XPO5: variants seen among roughly 807,000 people sequenced by gnomAD.
The protein encoded by XPO5 is exportin 5.
XPO5 carries 46 observed loss-of-function variants against 160.6 expected under a neutral mutation model. The observed-to-expected ratio is 0.29, with a 90% CI of 0.23 to 0.37. The LOEUF is 0.37. Ranked by LOEUF, XPO5 falls within the 10% of genes least tolerant of loss-of-function variation. The probability of loss-of-function intolerance (pLI) is 1.00; values close to 1 mark genes in which losing one functional copy is unlikely to be tolerated. For missense variants in XPO5, 1,090 were observed against 1,463.9 expected (o/e 0.74, Z 4.17); for synonymous variants, 537 against 519.3 (o/e 1.03, Z -0.46).
intron 8 of XPO5, among the ~76,000 whole-genome samples, chr6:43,563,246 C>T (rs1762502835): frequency 6.6e-6 from 1 of 152,146 alleles, no homozygotes; most frequent in Non-Finnish European, 1.5e-5. Flanking sequence ...TCACTGCAGC[C>T]TCCCAAGTAG....
At chr6:43,524,035 G>T (rs1245488841) in intron 31 of XPO5, 30 bp from the exon 32 acceptor site, 1 of 1,604,992 alleles carries the variant, frequency 6.2e-7, no homozygotes, top group East Asian at 2.2e-5. Flanking sequence ...AAGAATTAAT[G>T]CTGGGCCCTC....
chr6:43,529,427 G>A (rs948512090), intron 23 of XPO5: 5 of 337,278 alleles, frequency 1.5e-5, no homozygotes, highest in Admixed American at 4.4e-5. Context: ...GGGGGCGAGC[G>A]CCTGTAGTCC....
chr6:43,566,793 G>C (rs545425925), intron 7 of XPO5, among the ~76,000 whole-genome samples: 1 of 131,868 alleles, frequency 7.6e-6, no homozygotes, highest in East Asian at 2.3e-4. Flanking sequence ...CTGGGTGACA[G>C]AGCAAGACTG....
At chr6:43,527,807 A>G (rs1793693584) in intron 25 of XPO5, 76 bp from the exon 26 acceptor site, 8 of 1,478,504 alleles carry the variant, frequency 5.4e-6, no homozygotes, top group Admixed American at 5.4e-5. Context: ...CCCTAATCAG[A>G]CTCTCTCTGA....
At chr6:43,538,683 T>C (rs1794500263) in intron 20 of XPO5, 1 of 421,658 alleles carries the variant, frequency 2.4e-6, no homozygotes, top group South Asian at 5.2e-5. Flanking sequence ...TTTAGGCCTA[T>C]AATTTTCCTC....
intron 20 of XPO5, chr6:43,538,970 G>A (rs1582211485): frequency 2.1e-6 from 3 of 1,408,224 alleles, no homozygotes; most frequent in Admixed American, 3.4e-5. Context: ...GTAGGTCTTA[G>A]AAATGGCATC....
At chr6:43,552,830 G>A (rs998043627) in intron 14 of XPO5, among the ~76,000 whole-genome samples, 2 of 152,144 alleles carry the variant, frequency 1.3e-5, no homozygotes, top group Admixed American at 6.5e-5. Context: ...TACTGGTGGC[G>A]TACAGTATTC....
intron 28 of XPO5, chr6:43,525,595 C>T: frequency 1.8e-6 from 1 of 542,918 alleles, no homozygotes; most frequent in Non-Finnish European, 3.2e-6. Context: ...GGAGGCTAAA[C>T]ACCAGGGATC....
chr6:43,534,047 T>C, intron 20 of XPO5, 40 bp from the exon 21 acceptor site: 1 of 1,487,908 alleles, frequency 6.7e-7, no homozygotes, highest in Non-Finnish European at 9.3e-7. Context: ...TTCCATCTGA[T>C]GCAGAAGGAA....
chr6:43,529,412 G>A (rs1309885349), intron 23 of XPO5: 3 of 355,480 alleles, frequency 8.4e-6, no homozygotes, highest in Non-Finnish European at 1.6e-5. Context: ...AAATTAGTCG[G>A]GCATGGGGGC....
In XPO5 at chr6:43,562,227, G is replaced by A. The variant is rs1762455411; in HGVS notation, c.1011+20C>T. Reference sequence around the variant, plus strand: ...TCCCAAATGGGCTTGAAGCTCTCCAGAAAGCAAACACTAGCTCACCAGCAA... The same window carrying A: ...TCCCAAATGGGCTTGAAGCTCTCCAAAAAGCAAACACTAGCTCACCAGCAA... On this transcript the variant is annotated intron_variant, in intron 9 of 31. Transcript: ENST00000265351. The A allele has an allele frequency of 5.0e-6, 8 of 1,587,218 alleles. No homozygotes were observed. In the South Asian group the frequency reaches 8.1e-5, roughly 16 times the overall value.
At chr6:43,568,659 C>A in intron 6 of XPO5, 52 bp downstream of exon 6, 1 of 1,476,890 alleles carries the variant, frequency 6.8e-7, no homozygotes, top group Non-Finnish European at 9.1e-7. Context: ...GCACGTATCC[C>A]CTCACCTGAA....
intron 12 of XPO5, among the ~76,000 whole-genome samples, chr6:43,556,389 G>T (rs898695986): frequency 6.6e-6 from 1 of 152,026 alleles, no homozygotes; most frequent in South Asian, 2.1e-4. Context: ...GCCAGGTGTG[G>T]TGGCATGCTC....
At chr6:43,565,903 A>G (rs1203238588) in intron 7 of XPO5, among the ~76,000 whole-genome samples, 167 bp from the exon 8 acceptor site, 4 of 152,244 alleles carry the variant, frequency 2.6e-5, no homozygotes, top group Admixed American at 6.5e-5. Flanking sequence ...ATCTGGATAA[A>G]CTACATATTT....
At chr6:43,543,701 C>G (rs1254266850) in intron 20 of XPO5, among the ~76,000 whole-genome samples, 1 of 151,684 alleles carries the variant, frequency 6.6e-6, no homozygotes, top group African/African-American at 2.4e-5. Context: ...GAGACGGAGT[C>G]TTCCCTGTTG....
At chr6:43,575,650 G>T in intron 1 of XPO5, 110 bp downstream of exon 1, 2 of 972,974 alleles carry the variant, frequency 2.1e-6, no homozygotes, top group Non-Finnish European at 1.5e-6. Flanking sequence ...TGGGAAAGGA[G>T]GTCCAGGGGC....
chr6:43,564,153 C>T (rs1762564421), intron 8 of XPO5, among the ~76,000 whole-genome samples: 1 of 152,134 alleles, frequency 6.6e-6, no homozygotes, highest in South Asian at 2.1e-4. Context: ...AACTCCTGAC[C>T]TCAGGTGGTC....
intron 1 of XPO5, among the ~76,000 whole-genome samples, chr6:43,574,323 G>A (rs1189438147): frequency 6.6e-6 from 1 of 151,812 alleles, no homozygotes; most frequent in South Asian, 2.1e-4. Flanking sequence ...TCCAACCTAA[G>A]CTATATGTTT....
At position 43,525,140 on chromosome 6, in the gene XPO5, T is replaced by G. The variant is rs541913490; in HGVS notation, c.3141A>C (p.Thr1047=). Residue 1047 remains threonine, a synonymous_variant, in exon 29 of 32, where the codon ACA becomes ACC. Coordinates refer to ENST00000265351, the MANE Select transcript of XPO5 (RefSeq NM_020750.3). ...GGAGAGGCCAGCAGAGCTGTGAGGT[T>G]GTCCTCTGGCAGGACAGAGTATCTT... is the stretch of plus-strand genomic sequence containing the variant. The part of the protein sequence containing the change: ...AWKDTLSCQR[T]TSQLCWPLLK... 4.7e-5 allele frequency: 75 copies of G among 1,581,526 alleles called. No individual in the cohort carries two copies. In the South Asian group the frequency reaches 8.2e-4, roughly 17 times the overall value.
Sources: allele counts gnomAD v4.1 joint callset (sites outside exome capture counted in the v4.1 genomes callset), GRCh38; gene constraint gnomAD v4.1.1; transcripts MANE v1.5; gene names NCBI Gene and HGNC (gene_info 2026-07-23, HGNC 2026-07-21).